The following SNX29 variants were observed in gnomAD, a reference collection of about 807,000 sequenced individuals.
SNX29 encodes the protein sorting nexin 29.
In SNX29, 78 loss-of-function variants were observed where a neutral mutation model predicts 102.1. That is an observed-to-expected ratio of 0.76 (90% CI 0.64 to 0.92). The LOEUF (loss-of-function observed/expected upper bound fraction) is 0.92, where lower values mean the gene tolerates loss of function less well. Among genes scored for constraint, SNX29 ranks in the 40% least tolerant of loss-of-function variants. The pLI is 0.00. For synonymous variants in SNX29, 580 were observed against 414.5 expected (o/e 1.40, Z -4.85); for missense variants, 1,280 against 1,061.7 (o/e 1.21, Z -2.86).
chr16:12,026,761 A>T (rs1271300595), intron 3 of SNX29, among the ~76,000 whole-genome samples: 1 of 152,230 alleles, frequency 6.6e-6, no homozygotes, highest in Non-Finnish European at 1.5e-5. Context: ...AATCTCATAT[A>T]ATCTCTTTAG....
At position 12,144,181 on chromosome 16, in the gene SNX29, T is replaced by G. The variant is rs146485002; in HGVS notation, c.1595+14423T>G. Among the ~76,000 whole-genome samples the G allele has an allele frequency of 5.4e-3, 830 of 152,314 alleles. 22 individuals carry two copies. Among genetic ancestry groups the G allele is most frequent in the Admixed American group, 0.038 (579 of 15,298 alleles). On this transcript the variant is annotated intron_variant, in intron 13 of 20. Coordinates refer to ENST00000566228, the MANE Select transcript of SNX29 (RefSeq NM_032167.5). ...GGATGCCAGCAATGATCTGAACGGA[T>G]AAGCTCATTGAAAACCTTAGAAAGG...
chr16:12,362,841 G>A (rs543179720), intron 16 of SNX29, among the ~76,000 whole-genome samples: 4 of 151,978 alleles, frequency 2.6e-5, no homozygotes, highest in South Asian at 2.1e-4. Context: ...TATCTTTCCC[G>A]CGTCCACAAG....
At chr16:12,330,697 G>A (rs2081268947) in intron 15 of SNX29, among the ~76,000 whole-genome samples, 1 of 152,200 alleles carries the variant, frequency 6.6e-6, no homozygotes, top group Admixed American at 6.5e-5. Flanking sequence ...GCGAGTCCTG[G>A]CGGCGCTTGT....
chr16:11,996,085 C>G (rs1230876024), intron 1 of SNX29, among the ~76,000 whole-genome samples: 1 of 151,314 alleles, frequency 6.6e-6, no homozygotes, highest in Non-Finnish European at 1.5e-5. Flanking sequence ...AGAGTTAGGC[C>G]CCATCCTCAA....
chr16:12,255,047 CTT>C (rs1163938881), intron 14 of SNX29, among the ~76,000 whole-genome samples: 1 of 152,134 alleles, frequency 6.6e-6, no homozygotes, highest in African/African-American at 2.4e-5. Flanking sequence ...AACTGTGTAT[CTT>C]TATGGTGTAC....
chr16:12,154,808 G>A (rs1267416886), intron 13 of SNX29, among the ~76,000 whole-genome samples: 1 of 152,164 alleles, frequency 6.6e-6, no homozygotes, highest in Non-Finnish European at 1.5e-5. Flanking sequence ...CTTACATGGT[G>A]GAAGAGGTGA....
intron 14 of SNX29, among the ~76,000 whole-genome samples, chr16:12,251,721 A>G (rs924493471): frequency 3.3e-5 from 5 of 152,250 alleles, no homozygotes; most frequent in Admixed American, 1.3e-4. Flanking sequence ...AAGCAAAAAC[A>G]AAAACCAAAC....
At chr16:12,311,983 C>G (rs1567425913) in intron 15 of SNX29, among the ~76,000 whole-genome samples, 1 of 152,330 alleles carries the variant, frequency 6.6e-6, no homozygotes, top group South Asian at 2.1e-4. Flanking sequence ...TGCTTTGTTA[C>G]TCCACTGGCC....
chr16:12,421,961 C>T (rs1462034607), intron 18 of SNX29, among the ~76,000 whole-genome samples: 1 of 151,974 alleles, frequency 6.6e-6, no homozygotes, highest in Admixed American at 6.6e-5. Flanking sequence ...TCATCAACCA[C>T]CCATCACAGG....
intron 9 of SNX29, among the ~76,000 whole-genome samples, chr16:12,065,171 A>G (rs1322116437): frequency 6.6e-6 from 1 of 152,192 alleles, no homozygotes; most frequent in Non-Finnish European, 1.5e-5. Context: ...CTTGGGTGAC[A>G]GAGCCATTCA....
Position 12,289,470 on chromosome 16 carries a change from C to T in SNX29, c.1782+11434C>T, listed in dbSNP as rs117786559. 5.7e-3 allele frequency among the ~76,000 whole-genome samples: 865 copies of T among 152,234 alleles called. 6 individuals are homozygous for T. The highest frequency in any genetic ancestry group is 0.014 in the Middle Eastern group (4 of 294). On this transcript the variant is annotated intron_variant, in intron 15 of 20. Coordinates refer to ENST00000566228, the MANE Select transcript of SNX29 (RefSeq NM_032167.5). Reference sequence around the variant, plus strand: ...ATTTCTCTCACAGAACCTTGGATACCTCGTTTCCCATTTCCTGGTGAGGTC... The same window carrying T: ...ATTTCTCTCACAGAACCTTGGATACTTCGTTTCCCATTTCCTGGTGAGGTC...
At chr16:12,267,642 T>C (rs1477719075) in intron 14 of SNX29, among the ~76,000 whole-genome samples, 1 of 152,192 alleles carries the variant, frequency 6.6e-6, no homozygotes. Context: ...TGACCAGGGC[T>C]GTCCGGAAAG....
chr16:12,214,255 C>T (rs2077264207), intron 14 of SNX29, among the ~76,000 whole-genome samples: 2 of 152,194 alleles, frequency 1.3e-5, no homozygotes, highest in South Asian at 2.1e-4. Flanking sequence ...GACCCAGAAA[C>T]ACAACAGGAA....
intron 14 of SNX29, among the ~76,000 whole-genome samples, chr16:12,260,979 C>G (rs1441864070): frequency 6.6e-6 from 1 of 151,018 alleles, no homozygotes; most frequent in South Asian, 2.1e-4. Context: ...TGTGCGCGCC[C>G]CCGGCTGGAG....
intron 10 of SNX29, among the ~76,000 whole-genome samples, chr16:12,075,600 C>CTCAGGGG (rs1161026225): frequency 2.0e-5 from 3 of 152,228 alleles, no homozygotes; most frequent in Non-Finnish European, 4.4e-5. Flanking sequence ...AGTTAGGCTG[C>CTCAGGGG]TCAGGGGTCA....
chr16:12,196,297 A>T (rs1367304361), intron 13 of SNX29, among the ~76,000 whole-genome samples: 1 of 152,160 alleles, frequency 6.6e-6, no homozygotes, highest in Non-Finnish European at 1.5e-5. Context: ...AGGCAGTAAG[A>T]AAAATGGCAG....
At chr16:12,160,596 G>A (rs1196027319) in intron 13 of SNX29, among the ~76,000 whole-genome samples, 2 of 152,100 alleles carry the variant, frequency 1.3e-5, no homozygotes, top group Non-Finnish European at 2.9e-5. Context: ...AATGGATATA[G>A]GTTTTCTTTT....
At chr16:12,068,177 A>C (rs937563066) in intron 9 of SNX29, among the ~76,000 whole-genome samples, 4 of 152,058 alleles carry the variant, frequency 2.6e-5, no homozygotes, top group Non-Finnish European at 5.9e-5. Flanking sequence ...CAGGTGGCTC[A>C]AGGTCGAAAA....
intron 19 of SNX29, among the ~76,000 whole-genome samples, chr16:12,500,053 G>C (rs1426638067): frequency 2.6e-5 from 4 of 151,958 alleles, no homozygotes; most frequent in Non-Finnish European, 5.9e-5. Context: ...GTACAGTGGC[G>C]TGATCATAGC....
Sources: allele counts gnomAD v4.1 joint callset (sites outside exome capture counted in the v4.1 genomes callset), GRCh38; gene constraint gnomAD v4.1.1; transcripts MANE v1.5; gene names NCBI Gene and HGNC (gene_info 2026-07-23, HGNC 2026-07-21).